DLEC1: variants seen among roughly 807,000 people sequenced by gnomAD.
The protein encoded by DLEC1 is deleted in lung and esophageal cancer protein 1.
Under a neutral mutation model 198.1 loss-of-function variants are expected in DLEC1, and 146 were observed. That is an observed-to-expected ratio of 0.74 (90% CI 0.64 to 0.85). DLEC1 has a LOEUF of 0.85. Among genes scored for constraint, DLEC1 ranks in the 40% least tolerant of loss-of-function variants. DLEC1 has a pLI of 0.00. For missense variants in DLEC1, 2,233 were observed against 2,220.0 expected, an observed-to-expected ratio of 1.01 and a Z score of -0.12; for synonymous variants, 897 against 866.8, an observed-to-expected ratio of 1.03 and a Z score of -0.61.
chr3:38,048,779 A>G (rs894858940), intron 2 of DLEC1, among the ~76,000 whole-genome samples: 2 of 152,226 alleles, frequency 1.3e-5, no homozygotes, highest in Non-Finnish European at 1.5e-5. Context: ...CAGAAGCCCT[A>G]TCCTTCATCA....
In DLEC1 at chr3:38,107,740, G is replaced by C. The variant is rs902066357; in HGVS notation, c.3018+3G>C. The C allele has an allele frequency of 2.5e-6, 4 of 1,613,348 alleles. No homozygotes were observed. The highest frequency in any genetic ancestry group is 8.5e-7 in the Non-Finnish European group (1 of 1,179,706). ...CTACCCAGTTCCACTGGGGCAAGGT[G>C]AGTGAGCCCACAGCATCAGGCAGCA... On this transcript the variant is annotated splice_donor_region_variant and intron_variant, in intron 20 of 36. Coordinates refer to ENST00000308059, the MANE Select transcript of DLEC1 (RefSeq NM_007335.4).
chr3:38,116,229 T>A (rs1258488332), intron 27 of DLEC1, among the ~76,000 whole-genome samples: 1 of 152,156 alleles, frequency 6.6e-6, no homozygotes, highest in Admixed American at 6.5e-5. Context: ...CTTGTGACCA[T>A]GAGGACTTCA....
intron 13 of DLEC1, 112 bp downstream of exon 13, chr3:38,095,183 C>T (rs1057287886): frequency 1.5e-6 from 2 of 1,342,804 alleles, no homozygotes; most frequent in Non-Finnish European, 2.1e-6. Context: ...GAGGTGCTAT[C>T]CTGCCCAGGC....
intron 10 of DLEC1, among the ~76,000 whole-genome samples, chr3:38,091,271 CT>C (rs1223030271): frequency 6.6e-6 from 1 of 151,996 alleles, no homozygotes; most frequent in East Asian, 1.9e-4. Flanking sequence ...TGAGACCAGC[CT>C]GGGCAACATA....
Position 38,108,370 on chromosome 3 carries a change from G to C in DLEC1, c.3019-35G>C, listed in dbSNP as rs766532591. 1.9e-6 allele frequency: 3 copies of C among 1,565,014 alleles called. No homozygotes were observed. In the East Asian group the frequency reaches 6.7e-5, roughly 35 times the overall value. On this transcript the variant is annotated intron_variant, in intron 20 of 36. Coordinates refer to ENST00000308059, the MANE Select transcript of DLEC1 (RefSeq NM_007335.4). Reference sequence around the variant, plus strand: ...GATACTGGTCCATTCTGGGAGCCCAGTAAGTGACAACAGGCTCACTCATGT... The same window carrying C: ...GATACTGGTCCATTCTGGGAGCCCACTAAGTGACAACAGGCTCACTCATGT...
At chr3:38,052,914 C>T (rs1701196952) in intron 2 of DLEC1, among the ~76,000 whole-genome samples, 2 of 152,258 alleles carry the variant, frequency 1.3e-5, no homozygotes, top group Admixed American at 6.5e-5. Context: ...CTCAGCCTGC[C>T]GAGTGCCTGA....
At chr3:38,111,640 C>G in intron 23 of DLEC1, 37 bp from the exon 24 acceptor site, 2 of 1,601,970 alleles carry the variant, frequency 1.2e-6, no homozygotes, top group Non-Finnish European at 1.7e-6. Flanking sequence ...ACAGGCTTGT[C>G]TGACTTGATA....
At chr3:38,084,532 T>TGG (rs1233468675) in intron 7 of DLEC1, among the ~76,000 whole-genome samples, 6 of 151,506 alleles carry the variant, frequency 4.0e-5, no homozygotes, top group South Asian at 2.1e-4. Context: ...GTAGTAGTAG[T>TGG]GGTGGTGGTA....
At chr3:38,061,714 C>A (rs1696696816) in intron 3 of DLEC1, among the ~76,000 whole-genome samples, 1 of 152,196 alleles carries the variant, frequency 6.6e-6, no homozygotes, top group Non-Finnish European at 1.5e-5. Context: ...GTTGCCCAGG[C>A]TGGAGTGCAG....
chr3:38,068,405 AT>A (rs1346434250), intron 6 of DLEC1, among the ~76,000 whole-genome samples: 1 of 151,784 alleles, frequency 6.6e-6, no homozygotes, highest in East Asian at 1.9e-4. Flanking sequence ...TAATTTTTGT[AT>A]TTTTTGTATA....
chr3:38,073,231 T>TGGCA (rs1389585219), intron 6 of DLEC1, among the ~76,000 whole-genome samples: 1 of 152,206 alleles, frequency 6.6e-6, no homozygotes. Context: ...ACAGGATGGA[T>TGGCA]GGCAAAACAA....
In DLEC1 at chr3:38,117,311, G is replaced by A. The variant is rs1288419117; in HGVS notation, c.4400+9G>A. 1 of 1,613,588 alleles carries A rather than the reference G, an allele frequency of 6.2e-7. No individual in the cohort carries two copies. The highest frequency in any genetic ancestry group is 1.7e-5 in the Admixed American group (1 of 59,952). On this transcript the variant is annotated intron_variant, in intron 31 of 36. Transcript: ENST00000308059. Reference sequence around the variant, plus strand: ...TACGTGAGGCCTGCACAGTGAGTCAGCTGGGGTGCCCCATCTCCTTTCATC... The same window carrying A: ...TACGTGAGGCCTGCACAGTGAGTCAACTGGGGTGCCCCATCTCCTTTCATC...
At chr3:38,064,012 T>C (rs1040113315) in intron 6 of DLEC1, 93 bp downstream of exon 6, 75 of 883,668 alleles carry the variant, frequency 8.5e-5, no homozygotes, top group East Asian at 3.7e-4. Flanking sequence ...TTTTTCTTTT[T>C]TTTTTTTTTT....
At position 38,112,291 on chromosome 3, in the gene DLEC1, A is replaced by G. The variant is rs751623829; in HGVS notation, c.3596A>G (p.Gln1199Arg). The G allele has an allele frequency of 2.5e-6, 4 of 1,614,158 alleles. No homozygotes were observed. In the South Asian group the frequency reaches 4.4e-5, roughly 18 times the overall value. Reference sequence around the variant, plus strand: ...TCCCAGGGCATGCTGGGGCCCTACCAGCAGCTGTGCATTGACATCACAGGC... The same window carrying G: ...TCCCAGGGCATGCTGGGGCCCTACCGGCAGCTGTGCATTGACATCACAGGC... ...HFSQGMLGPY[Q>R]QLCIDITGCA... The change falls in exon 25 of 37, where the codon CAG becomes CGG. Residue 1199 changes from glutamine to arginine, a missense_variant. Coordinates refer to ENST00000308059, the MANE Select transcript of DLEC1 (RefSeq NM_007335.4). This position sits in a 1 kb window ranked among gnomAD's most constrained non-coding sequence, Gnocchi z 4.8.
At chr3:38,054,206 A>G (rs1217957914) in intron 2 of DLEC1, among the ~76,000 whole-genome samples, 1 of 71,406 alleles carries the variant, frequency 1.4e-5, no homozygotes, top group Non-Finnish European at 3.0e-5. Context: ...CTAAAAAAAA[A>G]AACAAAACAA....
rs1696575781 is a variant in DLEC1 at position 38,059,746 on chromosome 3, GA to G, written c.568del (p.Ser190ValfsTer7). The G allele has an allele frequency of 1.9e-6, 3 of 1,613,570 alleles. No individual in the cohort carries two copies. In the Admixed American group the frequency reaches 5.0e-5, roughly 27 times the overall value. Reference protein sequence around the residue: ...ESLVRLPPVKSVSRWCIDSEL... With the variant: ...ESLVRLPPVKXVSRWCIDSEL... ...CTCCCCTTCCCTTCTATGAAGTGAA[GA>G]GTGTCTCCAGATGGTGTATAGACAG... On this transcript the variant is annotated frameshift_variant, in exon 3 of 37. Transcript: ENST00000308059. LOFTEE classifies it high-confidence loss of function.
In DLEC1 at chr3:38,123,079, C is replaced by T. The variant is rs1700572075; in HGVS notation, c.*667C>T. ...CCAGGGTATTCAAAGACGGCAGCGG[C>T]TCCCATTCCAGTCCCGATGCACATG... is the stretch of plus-strand genomic sequence containing the variant. On this transcript the variant is annotated 3_prime_UTR_variant, in exon 37 of 37. Coordinates refer to ENST00000308059, the MANE Select transcript of DLEC1 (RefSeq NM_007335.4). 2 of 1,614,066 alleles carry T rather than the reference C, an allele frequency of 1.2e-6. No homozygotes were observed. Among genetic ancestry groups the T allele is most frequent in the African/African-American group, 2.7e-5 (2 of 74,926 alleles).
chr3:38,075,348 T>A (rs1697552270), intron 6 of DLEC1, among the ~76,000 whole-genome samples: 1 of 152,154 alleles, frequency 6.6e-6, no homozygotes, highest in African/African-American at 2.4e-5. Flanking sequence ...GAAAGTGCCA[T>A]TTTCTGGCCA....
intron 6 of DLEC1, among the ~76,000 whole-genome samples, chr3:38,077,703 G>C (rs1293861938): frequency 6.6e-6 from 1 of 152,134 alleles, no homozygotes; most frequent in East Asian, 1.9e-4. Context: ...CTGTAGGAAA[G>C]GCCTCTACTT....
Sources: gnomAD v4.1 joint callset for allele counts (sites outside exome capture counted in the v4.1 genomes callset) on GRCh38, gnomAD v4.1.1 for gene constraint, Gnocchi (gnomAD v3.1) non-coding constraint, MANE v1.5 for transcripts, NCBI Gene and HGNC (gene_info 2026-07-23, HGNC 2026-07-21) for gene names.